The following NNT variants were observed in gnomAD, a reference collection of about 807,000 sequenced individuals.
NNT encodes nicotinamide nucleotide transhydrogenase.
Under a neutral mutation model 104.8 loss-of-function variants are expected in NNT, and 50 were observed. The ratio of observed to expected loss-of-function variants is 0.48; its 90% CI spans 0.38 to 0.60. The LOEUF is 0.60. NNT is among the 20% of genes least tolerant of loss of function. The pLI, the probability that NNT is intolerant of heterozygous loss-of-function variation, is 0.00. For missense variants in NNT, 1,131 were observed against 1,330.7 expected (o/e 0.85, Z 2.33); for synonymous variants, 461 against 490.4 (o/e 0.94, Z 0.79).
intron 14 of NNT, chr5:43,653,690 T>C: frequency 6.5e-6 from 1 of 152,730 alleles, no homozygotes; most frequent in Non-Finnish European, 1.5e-5. Context: ...GCATGGTGGC[T>C]CAGACTGTAA....
intron 17 of NNT, among the ~76,000 whole-genome samples, chr5:43,668,265 G>A (rs1452578406): frequency 6.9e-6 from 1 of 143,974 alleles, no homozygotes; most frequent in Admixed American, 6.9e-5. Context: ...TTTTTGCTGT[G>A]CAGTAGCTCT....
chr5:43,678,657 GACCAAGTAATAA>G (rs1741549470), intron 19 of NNT, among the ~76,000 whole-genome samples: 2 of 152,164 alleles, frequency 1.3e-5, no homozygotes, highest in African/African-American at 4.8e-5. Flanking sequence ...TGAAGAGCAA[GACCAAGTAATAA>G]ACCTGTGCCC....
chr5:43,644,774 A>T lies in NNT; in HGVS notation c.1262A>T (p.His421Leu). 6.2e-7 allele frequency: 1 copy of T among 1,614,070 alleles called. No individual in the cohort carries two copies. The highest frequency in any genetic ancestry group is 8.5e-7 in the Non-Finnish European group (1 of 1,179,926). ...KDDFDFGTMGHVIRGTVVMKD... is the reference protein window; with the variant it reads ...KDDFDFGTMGLVIRGTVVMKD... ...GACTTTGACTTTGGTACGATGGGTC[A>T]TGTCATTAGAGGAACTGTAGTGATG... Residue 421 changes from histidine to leucine, a missense_variant, in exon 9 of 22, where the codon CAT becomes CTT. His to Leu is a moderately conservative substitution (Grantham distance 99). Coordinates refer to ENST00000344920, the MANE Select transcript of NNT (RefSeq NM_182977.3).
rs567972268 is a variant in NNT, at chr5:43,670,631, A to G, written c.2635-4880A>G. ...TAATCCTGAGTTCTAGTGTGATTGCACTGTGGTCTGAGAGAGAGTTTGTTA... is the reference window on the plus strand; with the variant it reads ...TAATCCTGAGTTCTAGTGTGATTGCGCTGTGGTCTGAGAGAGAGTTTGTTA... On this transcript the variant is annotated intron_variant, in intron 17 of 21. Coordinates refer to ENST00000344920, the MANE Select transcript of NNT (RefSeq NM_182977.3). Among the ~76,000 whole-genome samples, 336 of 152,312 alleles carry G rather than the reference A, an allele frequency of 2.2e-3. 1 individual carries two copies. The highest frequency in any genetic ancestry group is 7.8e-3 in the African/African-American group (323 of 41,572).
chr5:43,662,799 AG>A (rs1740440994), intron 17 of NNT, among the ~76,000 whole-genome samples: 1 of 151,934 alleles, frequency 6.6e-6, no homozygotes, highest in African/African-American at 2.4e-5. Flanking sequence ...GGGCTGAGGC[AG>A]GAGGATGACC....
At chr5:43,691,070 A>AGAGTGTGTGTGTGTGTGTGTGT (rs1245517310) in intron 19 of NNT, among the ~76,000 whole-genome samples, 1 of 137,400 alleles carries the variant, frequency 7.3e-6, no homozygotes, top group Non-Finnish European at 1.6e-5. Flanking sequence ...TTTTTGAGAG[A>AGAGTGTGTGTGTGTGTGTGTGT]GTGTGTGTGT....
intron 5 of NNT, among the ~76,000 whole-genome samples, chr5:43,623,552 A>T (rs1321664650): frequency 6.6e-6 from 1 of 152,130 alleles, no homozygotes; most frequent in African/African-American, 2.4e-5. Context: ...CTGAAAATAG[A>T]GGTTGGGGTA....
At chr5:43,622,062 A>G (rs571832934) in intron 5 of NNT, among the ~76,000 whole-genome samples, 2 of 152,294 alleles carry the variant, frequency 1.3e-5, no homozygotes, top group South Asian at 4.1e-4. Context: ...ATTTAAAAAA[A>G]TCATGTGGCT....
Position 43,653,131 on chromosome 5 carries a change from G to T in NNT, c.1977G>T (p.Leu659=), listed in dbSNP as rs1458911567. Residue 659 remains leucine, a synonymous_variant, in exon 14 of 22, where the codon CTG becomes CTT. Coordinates refer to ENST00000344920, the MANE Select transcript of NNT (RefSeq NM_182977.3). ...ALGMIGVAGG[L]AATLGVLKPG... ...GCATGATTGGGGTTGCTGGAGGACT[G>T]GCAGCCACCCTCGGAGTCCTAAAAC... 38 of 1,614,090 alleles carry T rather than the reference G, an allele frequency of 2.4e-5. No individual in the cohort carries two copies. Among genetic ancestry groups the T allele is most frequent in the Non-Finnish European group, 3.1e-5 (36 of 1,180,010 alleles).
intron 7 of NNT, among the ~76,000 whole-genome samples, chr5:43,631,744 T>G (rs1750687527): frequency 6.6e-6 from 1 of 152,030 alleles, no homozygotes; most frequent in African/African-American, 2.4e-5. Flanking sequence ...TTTTTATAAG[T>G]AGTTTATAGT....
intron 17 of NNT, among the ~76,000 whole-genome samples, chr5:43,672,599 G>A (rs530359237): frequency 3.9e-5 from 6 of 152,262 alleles, no homozygotes; most frequent in South Asian, 4.1e-4. Flanking sequence ...GCAGAACCGC[G>A]AATATTGCTG....
chr5:43,689,341 T>C (rs1048621333), intron 19 of NNT, among the ~76,000 whole-genome samples: 5 of 152,244 alleles, frequency 3.3e-5, no homozygotes, highest in Non-Finnish European at 7.3e-5. Flanking sequence ...GGGTTGTCTG[T>C]GAATGAACTC....
intron 19 of NNT, among the ~76,000 whole-genome samples, chr5:43,694,772 G>GTA (rs1378069005): frequency 1.3e-5 from 2 of 151,586 alleles, no homozygotes; most frequent in African/African-American, 4.9e-5. Flanking sequence ...GTGTGTGTGT[G>GTA]TGTGTGTGTC....
At chr5:43,686,124 G>A (rs1315652915) in intron 19 of NNT, among the ~76,000 whole-genome samples, 1 of 152,014 alleles carries the variant, frequency 6.6e-6, no homozygotes, top group African/African-American at 2.4e-5. Flanking sequence ...TTTGAACTGT[G>A]CCTGGGTCTA....
At chr5:43,616,529 A>G (rs1026060701) in intron 4 of NNT, among the ~76,000 whole-genome samples, 2 of 152,248 alleles carry the variant, frequency 1.3e-5, no homozygotes, top group African/African-American at 2.4e-5. Flanking sequence ...AAAGAATAGG[A>G]AAAAGGTCTG....
At chr5:43,644,116 G>A in intron 7 of NNT, 76 bp from the exon 8 acceptor site, 1 of 1,347,192 alleles carries the variant, frequency 7.4e-7, no homozygotes, top group Non-Finnish European at 1.0e-6. Context: ...AATGCCCAGA[G>A]ACTACTGTAA....
chr5:43,611,810 C>T (rs1165110507), intron 2 of NNT, among the ~76,000 whole-genome samples: 1 of 152,114 alleles, frequency 6.6e-6, no homozygotes, highest in Non-Finnish European at 1.5e-5. Flanking sequence ...AGATACTCTT[C>T]ATTAAAAAAT....
At chr5:43,643,307 C>T (rs1425215216) in intron 7 of NNT, among the ~76,000 whole-genome samples, 3 of 152,132 alleles carry the variant, frequency 2.0e-5, no homozygotes, top group African/African-American at 4.8e-5. Flanking sequence ...AATGTGAACA[C>T]GATAGTATGC....
chr5:43,619,027 T>G lies in NNT; in HGVS notation c.600-5T>G. 1 of 1,445,990 alleles carries G rather than the reference T, an allele frequency of 6.9e-7. No homozygotes were observed. The highest frequency in any genetic ancestry group is 2.4e-5 in the East Asian group (1 of 41,036). The allele number at this position is 1,445,990 out of a possible 1,614,324, so 89.6% of individuals were successfully genotyped here. A position where few individuals can be genotyped will look rare whatever the true frequency, so the allele number is the denominator to read the frequency against. On this transcript the variant is annotated splice_region_variant and splice_polypyrimidine_tract_variant and intron_variant, in intron 4 of 21. Transcript: ENST00000344920. ...ATTTATTTATTTATTTATTTATTTT[T>G]AAAGTTATAAGGCTGTTGTCCTAGC...
Sources: allele counts gnomAD v4.1 joint callset (sites outside exome capture counted in the v4.1 genomes callset), GRCh38; gene constraint gnomAD v4.1.1; transcripts MANE v1.5; gene names NCBI Gene and HGNC (gene_info 2026-07-23, HGNC 2026-07-21).